ANKH: variants seen among roughly 807,000 people sequenced by gnomAD.
ANKH encodes ANKH inorganic pyrophosphate transport regulator, also known as mineralization regulator ANKH.
Under a neutral mutation model 49.0 loss-of-function variants are expected in ANKH, and 15 were observed. That is an observed-to-expected ratio of 0.31 (90% confidence interval 0.20 to 0.47). ANKH has a LOEUF of 0.47. Among genes scored for constraint, ANKH ranks in the 20% least tolerant of loss-of-function variants. The pLI, the probability that ANKH is intolerant of heterozygous loss-of-function variation, is 1.00. For missense variants in ANKH, 429 were observed against 652.0 expected, an observed-to-expected ratio of 0.66 and a Z score of 3.72; for synonymous variants, 273 against 260.0, an observed-to-expected ratio of 1.05 and a Z score of -0.48.
intron 1 of ANKH, among the ~76,000 whole-genome samples, chr5:14,853,053 G>A (rs981587795): frequency 3.9e-5 from 6 of 152,044 alleles, no homozygotes; most frequent in East Asian, 1.9e-4. Context: ...GATGAGCCAC[G>A]TGCATCCAGA....
At chr5:14,727,993 G>A (rs962627663) in intron 8 of ANKH, among the ~76,000 whole-genome samples, 1 of 152,216 alleles carries the variant, frequency 6.6e-6, no homozygotes, top group Non-Finnish European at 1.5e-5. Context: ...CTTAGGTAGA[G>A]TTTTAGGGAC....
intron 1 of ANKH, among the ~76,000 whole-genome samples, chr5:14,810,448 C>T (rs773095643): frequency 1.3e-5 from 2 of 152,098 alleles, no homozygotes; most frequent in African/African-American, 2.4e-5. Context: ...AGTGAGCCAC[C>T]GCACCTGGCC....
In ANKH at chr5:14,707,203, A is replaced by G. The variant is rs537085361; in HGVS notation, c.*3994T>C. On this transcript the variant is annotated 3_prime_UTR_variant, in exon 12 of 12. Transcript: ENST00000284268. Reference sequence around the variant, plus strand: ...CTGAAGTAGAAAGATTTTTAAATACAAGAAAATATTTCTCAAGGAAATGTA... The same window carrying G: ...CTGAAGTAGAAAGATTTTTAAATACGAGAAAATATTTCTCAAGGAAATGTA... 1 of 152,200 alleles carries G rather than the reference A, an allele frequency of 6.6e-6. No individual in the cohort carries two copies. The allele number at this position is 152,200 out of a possible 1,614,324, so 9.4% of individuals were successfully genotyped here.
In ANKH at chr5:14,713,965, CTG is replaced by C. The variant is rs1737343203; in HGVS notation, c.1142-300_1142-299del. 6.6e-6 allele frequency among the ~76,000 whole-genome samples: 1 copy of C among 152,270 alleles called. No individual in the cohort carries two copies. The highest frequency in any genetic ancestry group is 2.4e-5 in the African/African-American group (1 of 41,480). ...GCAGCCTAGCTGCTCTTGTCCAGTC[CTG>C]TCCCCACACTTGGCCAGCCTCGCCC... On this transcript the variant is annotated intron_variant, in intron 9 of 11. Coordinates refer to ENST00000284268, the MANE Select transcript of ANKH (RefSeq NM_054027.6). This position sits in a 1 kb window ranked among gnomAD's most constrained non-coding sequence, Gnocchi z 4.4.
chr5:14,799,994 C>G (rs1740521038), intron 1 of ANKH, among the ~76,000 whole-genome samples: 1 of 152,126 alleles, frequency 6.6e-6, no homozygotes, highest in Non-Finnish European at 1.5e-5. Context: ...ATTAAGAGAA[C>G]ATTCCTGACT....
intron 1 of ANKH, among the ~76,000 whole-genome samples, chr5:14,859,906 T>C (rs1235114391): frequency 6.6e-6 from 1 of 152,240 alleles, no homozygotes; most frequent in African/African-American, 2.4e-5. Context: ...TCCACCACTT[T>C]AGGGCCCTTT....
chr5:14,755,899 G>C lies in ANKH; in HGVS notation c.478C>G (p.Leu160Val), dbSNP rs1301059770. Residue 160 changes from leucine (L) to valine (V), a missense_variant, in exon 4 of 12, where the codon CTG (leucine) becomes GTG (valine). Around this residue, in one of 2 missense-constraint regions of ANKH, gnomAD observed 378 missense variants for 615.3 expected, o/e 0.61. Transcript: ENST00000284268. ...TCTGAGATTGAGGCACATCCCACCA[G>C]GAAACTGTATTTGTGTTTTAAGAGA... is the stretch of plus-strand genomic sequence containing the variant. ...GILLKHKYSF[L>V]VGCASISDVI... is the part of the protein sequence containing the mutation. 6.2e-7 allele frequency: 1 copy of C among 1,614,086 alleles called. No homozygotes were observed. Among genetic ancestry groups the C allele is most frequent in the South Asian group, 1.1e-5 (1 of 91,086 alleles).
intron 1 of ANKH, among the ~76,000 whole-genome samples, chr5:14,795,651 C>A (rs1384827448): frequency 2.0e-5 from 3 of 152,172 alleles, no homozygotes; most frequent in African/African-American, 7.2e-5. Context: ...GAGTTTAAGA[C>A]CAGCCTGGCC....
rs1295551163 is a variant in ANKH, at chr5:14,745,388, C to T, written c.915+482G>A. 6.6e-6 allele frequency among the ~76,000 whole-genome samples: 1 copy of T among 152,130 alleles called. No individual in the cohort carries two copies. Among genetic ancestry groups the T allele is most frequent in the Non-Finnish European group, 1.5e-5 (1 of 68,016 alleles). On this transcript the variant is annotated intron_variant, in intron 7 of 11. Coordinates refer to ENST00000284268, the MANE Select transcript of ANKH (RefSeq NM_054027.6). This position sits in a 1 kb window ranked among gnomAD's most constrained non-coding sequence, Gnocchi z 4.7. ...TGTCAACAGGCTTTCCACTGGAATA[C>T]GTCTGCAATATCAAAACACTGGACC...
chr5:14,829,499 A>G (rs1241460605), intron 1 of ANKH, among the ~76,000 whole-genome samples: 2 of 152,216 alleles, frequency 1.3e-5, no homozygotes, highest in African/African-American at 2.4e-5. Context: ...TGAAAGAAAA[A>G]AGTGTCAAAT....
chr5:14,832,476 G>A (rs776710230), intron 1 of ANKH, among the ~76,000 whole-genome samples: 10 of 152,140 alleles, frequency 6.6e-5, no homozygotes, highest in Non-Finnish European at 1.0e-4. Flanking sequence ...GCTAGTTCAT[G>A]GTCCTAAGGG....
intron 1 of ANKH, among the ~76,000 whole-genome samples, chr5:14,864,857 A>C (rs1735597845): frequency 6.6e-6 from 1 of 152,236 alleles, no homozygotes; most frequent in South Asian, 2.1e-4. Context: ...AAACATACAC[A>C]CATACACACC....
intron 8 of ANKH, among the ~76,000 whole-genome samples, chr5:14,728,932 C>G (rs1737906915): frequency 6.6e-6 from 1 of 152,186 alleles, no homozygotes; most frequent in Non-Finnish European, 1.5e-5. Context: ...GCAGCACAAG[C>G]TCACCAGGGC....
At chr5:14,772,257 C>T (rs1739470091) in intron 1 of ANKH, among the ~76,000 whole-genome samples, 1 of 152,104 alleles carries the variant, frequency 6.6e-6, no homozygotes, top group African/African-American at 2.4e-5. Flanking sequence ...ACACAGCTGG[C>T]TGGCAGAATG....
rs77593292 is a variant in ANKH at position 14,776,058 on chromosome 5, C to A, written c.97-6867G>T. ...GGACTACACTTGGCTTGGGTCCCAACGCCTGGCTCATGCTTCCCACGTTTC... is the reference window on the plus strand; with the variant it reads ...GGACTACACTTGGCTTGGGTCCCAAAGCCTGGCTCATGCTTCCCACGTTTC... On this transcript the variant is annotated intron_variant, in intron 1 of 11. Transcript: ENST00000284268. Among the ~76,000 whole-genome samples the A allele has an allele frequency of 6.2e-4, 95 of 152,276 alleles. 1 individual carries two copies. In the East Asian group the frequency reaches 0.017, roughly 27 times the overall value.
At chr5:14,767,392 CATTT>C (rs1389635918) in intron 2 of ANKH, among the ~76,000 whole-genome samples, 2 of 152,066 alleles carry the variant, frequency 1.3e-5, no homozygotes, top group Admixed American at 6.6e-5. Flanking sequence ...CTGTGGAAAA[CATTT>C]GTTTGGTGGA....
chr5:14,858,868 G>C (rs988788721), intron 1 of ANKH, among the ~76,000 whole-genome samples: 7 of 151,492 alleles, frequency 4.6e-5, no homozygotes, highest in South Asian at 2.1e-4. Context: ...TTTTCTTTTT[G>C]ATACTTTTCC....
intron 1 of ANKH, among the ~76,000 whole-genome samples, chr5:14,838,565 GGGCACACGTGAGTGGCAGCCCCT>G (rs1354244736): frequency 2.0e-5 from 3 of 152,054 alleles, no homozygotes; most frequent in Non-Finnish European, 4.4e-5. Flanking sequence ...AACCCTGCTG[GGGCACACGTGAGTGGCAGCCCCT>G]GGGGGACCCC....
chr5:14,723,481 A>G (rs1403000960), intron 8 of ANKH, among the ~76,000 whole-genome samples: 3 of 151,872 alleles, frequency 2.0e-5, no homozygotes, highest in African/African-American at 7.3e-5. Flanking sequence ...GGACAACACA[A>G]GACCCCATCT....
Sources: allele counts gnomAD v4.1 joint callset (sites outside exome capture counted in the v4.1 genomes callset), GRCh38; gene constraint gnomAD v4.1.1; regional missense constraint gnomAD v4.1.1; non-coding constraint Gnocchi (gnomAD v3.1); transcripts MANE v1.5; gene names NCBI Gene and HGNC (gene_info 2026-07-23, HGNC 2026-07-21).